Variants in LRMDA observed in about 807,000 individuals in gnomAD.
LRMDA encodes leucine rich melanocyte differentiation associated.
A neutral mutation model predicts 29.8 loss-of-function variants in LRMDA; 18 were observed. That is an observed-to-expected ratio of 0.60 (90% CI 0.42 to 0.90). The LOEUF is 0.90. Ranked by LOEUF, LRMDA falls within the 40% of genes least tolerant of loss-of-function variation. LRMDA has a pLI of 0.00. For synonymous variants in LRMDA, 125 were observed against 109.4 expected (o/e 1.14, Z -0.89); for missense variants, 273 against 273.9 (o/e 1.00, Z 0.02).
intron 6 of LRMDA, among the ~76,000 whole-genome samples, chr10:76,550,894 G>A (rs148089370): frequency 1.3e-5 from 2 of 152,084 alleles, no homozygotes; most frequent in South Asian, 2.1e-4. Flanking sequence ...GTTGTGCTAG[G>A]AGCCTGTCAT....
intron 2 of LRMDA, among the ~76,000 whole-genome samples, chr10:75,487,880 A>T (rs1312020547): frequency 6.6e-6 from 1 of 152,090 alleles, no homozygotes; most frequent in Non-Finnish European, 1.5e-5. Flanking sequence ...ACTGGTAGAG[A>T]TGGGGCATGG....
intron 2 of LRMDA, among the ~76,000 whole-genome samples, chr10:75,766,922 C>T (rs1843176757): frequency 6.6e-6 from 1 of 152,132 alleles, no homozygotes; most frequent in Non-Finnish European, 1.5e-5. Flanking sequence ...TGTTAGTTTG[C>T]TGAGGATGAT....
chr10:76,317,146 G>T (rs915476545), intron 5 of LRMDA, among the ~76,000 whole-genome samples: 3 of 152,142 alleles, frequency 2.0e-5, no homozygotes, highest in Non-Finnish European at 4.4e-5. Flanking sequence ...TAGGAGTCAG[G>T]CTGATTTGGT....
chr10:76,027,851 A>C (rs1161581871), intron 2 of LRMDA, among the ~76,000 whole-genome samples: 1 of 152,200 alleles, frequency 6.6e-6, no homozygotes, highest in Non-Finnish European at 1.5e-5. Context: ...CTGGCTCATT[A>C]GATAGCTGCC....
chr10:75,984,701 A>G (rs1221930609), intron 2 of LRMDA, among the ~76,000 whole-genome samples: 1 of 152,238 alleles, frequency 6.6e-6, no homozygotes, highest in Non-Finnish European at 1.5e-5. Flanking sequence ...TTCATTGGCA[A>G]TGCTGAAAGT....
At chr10:76,490,900 T>TAA (rs1842827650) in intron 6 of LRMDA, among the ~76,000 whole-genome samples, 1 of 151,948 alleles carries the variant, frequency 6.6e-6, no homozygotes, top group Non-Finnish European at 1.5e-5. Context: ...TCTCTTGTGG[T>TAA]ATGATTTAAC....
intron 5 of LRMDA, among the ~76,000 whole-genome samples, chr10:76,087,058 C>G (rs561481770): frequency 3.9e-5 from 6 of 152,200 alleles, no homozygotes; most frequent in Non-Finnish European, 8.8e-5. Flanking sequence ...GGAGTGTTTT[C>G]TTGGAAAATC....
intron 2 of LRMDA, among the ~76,000 whole-genome samples, chr10:75,883,806 G>C (rs1183132542): frequency 3.3e-5 from 5 of 151,324 alleles, no homozygotes; most frequent in Non-Finnish European, 7.4e-5. Flanking sequence ...GACAATAGAT[G>C]TGTGTCTTCT....
chr10:75,703,732 G>A (rs1056951440), intron 2 of LRMDA, among the ~76,000 whole-genome samples: 2 of 152,136 alleles, frequency 1.3e-5, no homozygotes, highest in Non-Finnish European at 2.9e-5. Flanking sequence ...TTATGACAGC[G>A]AACTCTTTAA....
intron 6 of LRMDA, among the ~76,000 whole-genome samples, chr10:76,509,243 G>A (rs1842986439): frequency 6.6e-6 from 1 of 152,016 alleles, no homozygotes; most frequent in African/African-American, 2.4e-5. Flanking sequence ...ACTCCTTCCT[G>A]TGCATCCAAT....
intron 6 of LRMDA, among the ~76,000 whole-genome samples, chr10:76,482,836 A>G (rs1051118332): frequency 1.3e-5 from 2 of 151,988 alleles, no homozygotes; most frequent in African/African-American, 4.8e-5. Flanking sequence ...ATGTTGTTCA[A>G]TACCAATTCA....
chr10:75,847,292 T>G (rs1844655281), intron 2 of LRMDA, among the ~76,000 whole-genome samples: 1 of 152,178 alleles, frequency 6.6e-6, no homozygotes, highest in Admixed American at 6.5e-5. Flanking sequence ...TTGGCAAAAG[T>G]GGATAACCAT....
intron 6 of LRMDA, among the ~76,000 whole-genome samples, chr10:76,447,530 C>T (rs1403220168): frequency 6.6e-6 from 1 of 152,130 alleles, no homozygotes; most frequent in African/African-American, 2.4e-5. Context: ...CCATGTGGCT[C>T]CCTGAGAATC....
chr10:75,990,424 G>T (rs1216458822), intron 2 of LRMDA, among the ~76,000 whole-genome samples: 1 of 152,200 alleles, frequency 6.6e-6, no homozygotes, highest in Admixed American at 6.5e-5. Context: ...ACCCTGCTCT[G>T]CTGTGAAAGA....
chr10:76,301,377 G>C (rs546982047), intron 5 of LRMDA, among the ~76,000 whole-genome samples: 1 of 152,328 alleles, frequency 6.6e-6, no homozygotes, highest in East Asian at 1.9e-4. Context: ...AGGAACCACA[G>C]AACAGATCTT....
intron 2 of LRMDA, among the ~76,000 whole-genome samples, chr10:75,565,027 A>C (rs569722112): frequency 6.6e-6 from 1 of 152,204 alleles, no homozygotes; most frequent in East Asian, 1.9e-4. Flanking sequence ...CTCTCTGGCA[A>C]CCTCTCTCTC....
At chr10:75,749,674 G>C (rs1298503032) in intron 2 of LRMDA, among the ~76,000 whole-genome samples, 2 of 151,004 alleles carry the variant, frequency 1.3e-5, no homozygotes, top group Admixed American at 1.3e-4. Flanking sequence ...GTGTTTCTCG[G>C]AGAGGGGGAT....
intron 2 of LRMDA, among the ~76,000 whole-genome samples, chr10:75,640,244 T>C (rs1841436139): frequency 6.6e-6 from 1 of 152,216 alleles, no homozygotes; most frequent in Non-Finnish European, 1.5e-5. Context: ...GATTTTTTTG[T>C]TGCATTGCCA....
At chr10:76,184,773 C>T (rs564861566) in intron 5 of LRMDA, among the ~76,000 whole-genome samples, 4 of 152,244 alleles carry the variant, frequency 2.6e-5, no homozygotes, top group Admixed American at 2.0e-4. Context: ...TTCTTTTCCC[C>T]CAGTACGTGT....
Sources: gnomAD v4.1 joint callset for allele counts (sites outside exome capture counted in the v4.1 genomes callset) on GRCh38, gnomAD v4.1.1 for gene constraint, MANE v1.5 for transcripts, NCBI Gene and HGNC (gene_info 2026-07-23, HGNC 2026-07-21) for gene names.